XPR1: variants seen among roughly 807,000 people sequenced by gnomAD.
XPR1 encodes the protein xenotropic and polytropic retrovirus receptor 1, also known as solute carrier family 53 member 1.
XPR1 carries 28 observed loss-of-function variants against 87.5 expected under a neutral mutation model. That is an observed-to-expected ratio of 0.32 (90% CI 0.24 to 0.44). XPR1 has a LOEUF of 0.44. Ranked by LOEUF, XPR1 falls within the 20% of genes least tolerant of loss-of-function variation. The pLI is 1.00. For synonymous variants in XPR1, 300 were observed against 306.1 expected (o/e 0.98, Z 0.21); for missense variants, 559 against 862.3 (o/e 0.65, Z 4.41).
intron 2 of XPR1, among the ~76,000 whole-genome samples, chr1:180,745,264 C>T (rs891828677): frequency 1.3e-5 from 2 of 152,250 alleles, no homozygotes; most frequent in African/African-American, 4.8e-5. Context: ...ATTTATTCTG[C>T]TCTGCGGAGC....
chr1:180,801,278 G>T (rs993896476), intron 3 of XPR1, among the ~76,000 whole-genome samples: 3 of 152,134 alleles, frequency 2.0e-5, no homozygotes, highest in Non-Finnish European at 4.4e-5. Context: ...CCTCACTAAC[G>T]TAATTCTGGA....
At chr1:180,697,994 GT>G (rs1657224358) in intron 2 of XPR1, among the ~76,000 whole-genome samples, 1 of 152,026 alleles carries the variant, frequency 6.6e-6, no homozygotes, top group Non-Finnish European at 1.5e-5. Context: ...ATGTTTATTT[GT>G]TTATTTTCTG....
intron 2 of XPR1, among the ~76,000 whole-genome samples, chr1:180,768,025 T>A (rs1333038847): frequency 6.6e-6 from 1 of 152,128 alleles, no homozygotes; most frequent in Non-Finnish European, 1.5e-5. Context: ...TTTGTATTTT[T>A]AGTAAAGACA....
intron 6 of XPR1, among the ~76,000 whole-genome samples, chr1:180,809,261 G>A (rs1365289150): frequency 6.6e-5 from 10 of 152,150 alleles, no homozygotes; most frequent in Non-Finnish European, 1.5e-4. Context: ...ATAGAGTGGG[G>A]TAGGGTAGGC....
At chr1:180,647,283 C>T (rs1199742206) in intron 1 of XPR1, among the ~76,000 whole-genome samples, 9 of 152,224 alleles carry the variant, frequency 5.9e-5, no homozygotes, top group African/African-American at 2.4e-5. Context: ...TCCTGCTTTA[C>T]ACTACTGTAG....
At chr1:180,721,669 C>T (rs1658183749) in intron 2 of XPR1, among the ~76,000 whole-genome samples, 1 of 152,130 alleles carries the variant, frequency 6.6e-6, no homozygotes, top group Admixed American at 6.5e-5. Context: ...ATTGGATTTC[C>T]TTTCACCTCT....
At chr1:180,688,683 A>G (rs145593002) in intron 2 of XPR1, among the ~76,000 whole-genome samples, 60 of 152,282 alleles carry the variant, frequency 3.9e-4, no homozygotes, top group African/African-American at 1.2e-3. Context: ...AAGTATAACA[A>G]TTCTTACATA....
intron 2 of XPR1, among the ~76,000 whole-genome samples, chr1:180,690,872 T>G (rs1305293539): frequency 6.6e-6 from 1 of 151,746 alleles, no homozygotes; most frequent in South Asian, 2.1e-4. Flanking sequence ...GCCAATGTAC[T>G]GTTTATAAAA....
chr1:180,637,642 C>T (rs1352716653), intron 1 of XPR1, among the ~76,000 whole-genome samples: 1 of 152,210 alleles, frequency 6.6e-6, no homozygotes, highest in Admixed American at 6.5e-5. Flanking sequence ...CAACCTCCGT[C>T]TCCCAGGTTC....
rs1488704395 is a variant in XPR1 at position 180,888,274 on chromosome 1, C to T, written c.*4208C>T. 2 of 151,674 alleles carry T rather than the reference C, an allele frequency of 1.3e-5. No homozygotes were observed. Among genetic ancestry groups the T allele is most frequent in the African/African-American group, 4.8e-5 (2 of 41,284 alleles). 9.4% of individuals were successfully genotyped at this position (151,674 alleles called of 1,614,324 possible). On this transcript the variant is annotated 3_prime_UTR_variant, in exon 15 of 15. Coordinates refer to ENST00000367590, the MANE Select transcript of XPR1 (RefSeq NM_004736.4). The stretch of plus-strand genomic sequence containing the variant: ...TAAGGAAAATAATTAAGAAAATAAC[C>T]CTATCTGTGGCATTGTTTTAAAATG...
intron 3 of XPR1, among the ~76,000 whole-genome samples, chr1:180,798,019 G>T (rs575411148): frequency 6.6e-6 from 1 of 151,980 alleles, no homozygotes; most frequent in African/African-American, 2.4e-5. Context: ...TTCATTTTCT[G>T]TTGACTTAAA....
At chr1:180,646,506 A>G (rs1312143632) in intron 1 of XPR1, among the ~76,000 whole-genome samples, 1 of 152,152 alleles carries the variant, frequency 6.6e-6, no homozygotes, top group Non-Finnish European at 1.5e-5. Context: ...TGGTCGCCAC[A>G]TATACAAAGC....
At position 180,781,738 on chromosome 1, in the gene XPR1, A is replaced by G. The variant is rs144355997; in HGVS notation, c.122-6015A>G. Among the ~76,000 whole-genome samples the G allele has an allele frequency of 2.9e-3, 437 of 151,924 alleles. 3 individuals carry two copies. Among genetic ancestry groups the G allele is most frequent in the African/African-American group, 9.5e-3 (396 of 41,472 alleles). On this transcript the variant is annotated intron_variant, in intron 2 of 14. Transcript: ENST00000367590. ...CAACGTGCAGACTTGTTACATATGTATACATGTGCCATGTTGGTGTGCTGC... is the reference window on the plus strand; with the variant it reads ...CAACGTGCAGACTTGTTACATATGTGTACATGTGCCATGTTGGTGTGCTGC...
intron 2 of XPR1, among the ~76,000 whole-genome samples, chr1:180,702,689 T>G (rs1018236812): frequency 2.6e-5 from 4 of 152,120 alleles, no homozygotes; most frequent in Non-Finnish European, 4.4e-5. Flanking sequence ...GATCATGAAT[T>G]ATTTTCCTGA....
At chr1:180,802,723 T>A (rs1558015333) in intron 3 of XPR1, among the ~76,000 whole-genome samples, 1 of 152,210 alleles carries the variant, frequency 6.6e-6, no homozygotes, top group African/African-American at 2.4e-5. Context: ...TAATCTACTT[T>A]CTTTCTGTGT....
At position 180,658,335 on chromosome 1, in the gene XPR1, A is replaced by G. The variant is rs576998746; in HGVS notation, c.70-24025A>G. The stretch of plus-strand genomic sequence containing the variant: ...ACTTCTAGTGCTATGTTGGACAACA[A>G]TGGTGAAAGTGGGCATCCTCATCAT... On this transcript the variant is annotated intron_variant, in intron 1 of 14. Coordinates refer to ENST00000367590, the MANE Select transcript of XPR1 (RefSeq NM_004736.4). 5.8e-4 allele frequency among the ~76,000 whole-genome samples: 88 copies of G among 152,290 alleles called. 2 individuals are homozygous for G. The South Asian group carries it at 0.016, about 28-fold the overall frequency.
intron 1 of XPR1, among the ~76,000 whole-genome samples, chr1:180,668,080 A>AT (rs925562746): frequency 1.2e-4 from 11 of 92,620 alleles, no homozygotes; most frequent in Non-Finnish European, 9.5e-5. Flanking sequence ...TCTATTCTCT[A>AT]TTTTTTTTAT....
Position 180,843,198 on chromosome 1 carries a change from A to G in XPR1, c.1501+6482A>G, listed in dbSNP as rs544446358. Among the ~76,000 whole-genome samples the G allele has an allele frequency of 3.3e-5, 5 of 152,292 alleles. No homozygotes were observed. The South Asian group carries it at 1.0e-3, about 32-fold the overall frequency. ...CCCTGAGTAATAGACTGTTATGCCA[A>G]AATGTCCACATTTTAGTCTTCTTAT... On this transcript the variant is annotated intron_variant, in intron 11 of 14. Transcript: ENST00000367590.
chr1:180,760,977 C>G (rs1268977213), intron 2 of XPR1, among the ~76,000 whole-genome samples: 1 of 152,152 alleles, frequency 6.6e-6, no homozygotes, highest in African/African-American at 2.4e-5. Context: ...CTACAACCAT[C>G]TGATCTTTGA....
Sources: allele counts gnomAD v4.1 joint callset (sites outside exome capture counted in the v4.1 genomes callset), GRCh38; gene constraint gnomAD v4.1.1; transcripts MANE v1.5; gene names NCBI Gene and HGNC (gene_info 2026-07-23, HGNC 2026-07-21).